The following HEATR1 variants were observed in gnomAD, a reference collection of about 807,000 sequenced individuals.
HEATR1 encodes HEAT repeat-containing protein 1.
A neutral mutation model predicts 248.2 loss-of-function variants in HEATR1; 77 were observed. That is an observed-to-expected ratio of 0.31 (90% CI 0.26 to 0.37). The LOEUF (loss-of-function observed/expected upper bound fraction) is 0.37. Ranked by LOEUF, HEATR1 falls within the 10% of genes least tolerant of loss-of-function variation. The probability of loss-of-function intolerance (pLI) is 1.00; values close to 1 mark genes in which losing one functional copy is unlikely to be tolerated. For synonymous variants in HEATR1, 897 were observed against 923.1 expected (o/e 0.97, Z 0.51); for missense variants, 2,420 against 2,504.9 (o/e 0.97, Z 0.72).
intron 8 of HEATR1, among the ~76,000 whole-genome samples, chr1:236,595,059 CT>C (rs1208054095): frequency 7.4e-5 from 8 of 107,440 alleles, no homozygotes; most frequent in Non-Finnish European, 2.3e-5. Flanking sequence ...CCACCTGGCC[CT>C]CTAATTATTA....
Position 236,572,513 on chromosome 1 carries a change from G to A in HEATR1, c.3605C>T (p.Ser1202Phe). Residue 1202 changes from serine to phenylalanine, a missense_variant, in exon 26 of 45, where the codon TCT becomes TTT. By Grantham distance (155) the Ser-to-Phe change is radical. Transcript: ENST00000366582. ...GATGAGAGTTACTCTTTGCCAGTAAGAACCTCCAACTTCCTGAACAGATTC... is the reference window on the plus strand; with the variant it reads ...GATGAGAGTTACTCTTTGCCAGTAAAAACCTCCAACTTCCTGAACAGATTC... ...DLESVQEVGG[S>F]YWQRVTLILE... The A allele has an allele frequency of 2.5e-6, 4 of 1,614,070 alleles. No individual in the cohort carries two copies. Among genetic ancestry groups the A allele is most frequent in the Non-Finnish European group, 3.4e-6 (4 of 1,179,968 alleles).
At chr1:236,551,900 C>A in intron 44 of HEATR1, 99 bp downstream of exon 44, 1 of 796,176 alleles carries the variant, frequency 1.3e-6, no homozygotes, top group East Asian at 2.5e-5. Flanking sequence ...CTGCTAGTCA[C>A]GTTATATCCA....
At chr1:236,569,677 T>A (rs1205637819) in intron 28 of HEATR1, among the ~76,000 whole-genome samples, 1 of 152,196 alleles carries the variant, frequency 6.6e-6, no homozygotes, top group Non-Finnish European at 1.5e-5. Context: ...CTTTACAGGC[T>A]GCTGGTGGAA....
intron 24 of HEATR1, among the ~76,000 whole-genome samples, chr1:236,573,184 G>C (rs1435462377): frequency 6.6e-6 from 1 of 152,148 alleles, no homozygotes; most frequent in Non-Finnish European, 1.5e-5. Flanking sequence ...TTATGATACA[G>C]TATCACTTCT....
At chr1:236,580,657 C>T (rs1188447904) in intron 20 of HEATR1, among the ~76,000 whole-genome samples, 7 of 151,532 alleles carry the variant, frequency 4.6e-5, no homozygotes, top group African/African-American at 7.3e-5. Context: ...GCTGGGACTA[C>T]AGGCACGCAC....
chr1:236,582,519 T>A lies in HEATR1; in HGVS notation c.2562+217A>T, dbSNP rs1233539373. On this transcript the variant is annotated intron_variant, in intron 19 of 44. Coordinates refer to ENST00000366582, the MANE Select transcript of HEATR1 (RefSeq NM_018072.6). Reference sequence around the variant, plus strand: ...CCGGGTTCAAGCGAATTCTCCTGCCTCTGCCTCCCAAGTGGCTGGGATTAC... The same window carrying A: ...CCGGGTTCAAGCGAATTCTCCTGCCACTGCCTCCCAAGTGGCTGGGATTAC... 2.0e-5 allele frequency among the ~76,000 whole-genome samples: 3 copies of A among 152,072 alleles called. No individual in the cohort carries two copies. In the East Asian group the frequency reaches 5.8e-4, roughly 29 times the overall value.
chr1:236,587,030 C>G (rs1455470336), intron 14 of HEATR1, among the ~76,000 whole-genome samples: 1 of 152,058 alleles, frequency 6.6e-6, no homozygotes, highest in Non-Finnish European at 1.5e-5. Flanking sequence ...TATCATGTGT[C>G]TCTGAACTTA....
At chr1:236,574,137 C>T in intron 24 of HEATR1, 65 bp downstream of exon 24, 1 of 1,412,434 alleles carries the variant, frequency 7.1e-7, no homozygotes, top group Admixed American at 2.5e-5. Flanking sequence ...GACTCTTAAA[C>T]ATGGTGTCCC....
At chr1:236,593,584 G>GAAAAAAAAAAA (rs534009257) in intron 9 of HEATR1, among the ~76,000 whole-genome samples, 2 of 90,820 alleles carry the variant, frequency 2.2e-5, no homozygotes, top group Non-Finnish European at 2.2e-5. Flanking sequence ...CCCATTAAGA[G>GAAAAAAAAAAA]AAAAAAAAAA....
Position 236,552,081 on chromosome 1 carries a change from C to T in HEATR1, c.6264G>A (p.Val2088=), listed in dbSNP as rs772038858. Reference sequence around the variant, plus strand: ...CCTTTAGTTTTTCAGCCAGTGCTAACACAGTAATCAAAGCAGCAAATCGAA... The same window carrying T: ...CCTTTAGTTTTTCAGCCAGTGCTAATACAGTAATCAAAGCAGCAAATCGAA... ...PKVRFAALIT[V]LALAEKLKEN... is the part of the protein sequence containing the mutation. The change falls in exon 44 of 45, where the codon GTG becomes GTA. Residue 2088 remains valine (V), a synonymous_variant. Coordinates refer to ENST00000366582, the MANE Select transcript of HEATR1 (RefSeq NM_018072.6). 1.9e-6 allele frequency: 3 copies of T among 1,612,716 alleles called. No homozygotes were observed. In the African/African-American group the frequency reaches 4.0e-5, roughly 22 times the overall value.
chr1:236,588,104 C>G (rs986082959), intron 12 of HEATR1, 61 bp from the exon 13 acceptor site: 6 of 1,273,308 alleles, frequency 4.7e-6, no homozygotes, highest in East Asian at 2.4e-5. Flanking sequence ...AGGCTTTGCA[C>G]TAGAAAGGAA....
intron 8 of HEATR1, 22 bp downstream of exon 8, chr1:236,595,518 C>G: frequency 1.3e-6 from 2 of 1,581,366 alleles, no homozygotes; most frequent in Non-Finnish European, 1.7e-6. Flanking sequence ...AATTTCTGGA[C>G]AAAAAATATA....
intron 4 of HEATR1, among the ~76,000 whole-genome samples, chr1:236,599,184 T>A (rs75306660): frequency 0.011 from 1,661 of 152,328 alleles, 29 homozygotes; most frequent in African/African-American, 0.038. Context: ...GGTTCAAATC[T>A]CAACTCTGCC....
At chr1:236,597,095 A>G in intron 5 of HEATR1, 119 bp from the exon 6 acceptor site, 1 of 729,946 alleles carries the variant, frequency 1.4e-6, no homozygotes, top group Non-Finnish European at 2.0e-6. Flanking sequence ...ACTGTACTCT[A>G]GCCTGGGCGA....
chr1:236,587,316 T>TAAAA, intron 14 of HEATR1, 86 bp downstream of exon 14: 1 of 475,550 alleles, frequency 2.1e-6, no homozygotes, highest in South Asian at 5.5e-5. Flanking sequence ...ATCAAAGCCT[T>TAAAA]AAAAAAAAAA....
intron 4 of HEATR1, among the ~76,000 whole-genome samples, chr1:236,598,507 T>G (rs1462632603): frequency 6.6e-6 from 1 of 152,056 alleles, no homozygotes; most frequent in Non-Finnish European, 1.5e-5. Flanking sequence ...GCAATAAGAG[T>G]GCCTAGGGAG....
chr1:236,566,960 G>C, intron 29 of HEATR1, 84 bp from the exon 30 acceptor site: 1 of 847,950 alleles, frequency 1.2e-6, no homozygotes, highest in South Asian at 1.5e-5. Context: ...AAGGCTTTTA[G>C]ATGGGCCCCA....
chr1:236,553,707 G>A lies in HEATR1; in HGVS notation c.6111C>T (p.Phe2037=). The A allele has an allele frequency of 6.2e-7, 1 of 1,613,152 alleles. No individual in the cohort carries two copies. The highest frequency in any genetic ancestry group is 1.1e-5 in the South Asian group (1 of 90,866). ...LENRLGGEEK[F]QERVTKHLIP... ...TCAGGTGCTTTGTCACCCGTTCCTG[G>A]AATTTCTCTTCTCCCCCAAGCCTGT... The change falls in exon 43 of 45, where the codon TTC becomes TTT. Residue 2037 remains phenylalanine, a synonymous_variant. Transcript: ENST00000366582.
intron 37 of HEATR1, 142 bp from the exon 38 acceptor site, chr1:236,556,400 G>T: frequency 1.1e-6 from 1 of 873,660 alleles, no homozygotes; most frequent in Non-Finnish European, 1.7e-6. Flanking sequence ...TCCTTTTAAA[G>T]TCAGCCCTAA....
Sources: allele counts gnomAD v4.1 joint callset (sites outside exome capture counted in the v4.1 genomes callset), GRCh38; gene constraint gnomAD v4.1.1; transcripts MANE v1.5; gene names NCBI Gene and HGNC (gene_info 2026-07-23, HGNC 2026-07-21).